The following MARCHF11 variants were observed in gnomAD, a reference collection of about 807,000 sequenced individuals.
MARCHF11 encodes the protein membrane associated ring-CH-type finger 11, also known as E3 ubiquitin-protein ligase MARCHF11.
In MARCHF11, 29 loss-of-function variants were observed where a neutral mutation model predicts 37.3. The ratio of observed to expected loss-of-function variants is 0.78; its 90% CI spans 0.58 to 1.06. The LOEUF (loss-of-function observed/expected upper bound fraction) is 1.06, where lower values mean the gene tolerates loss of function less well. Ranked by LOEUF, MARCHF11 falls within the 50% of genes least tolerant of loss-of-function variation. MARCHF11 has a pLI of 0.00. For synonymous variants in MARCHF11, 233 were observed against 228.0 expected (o/e 1.02, Z -0.20); for missense variants, 482 against 533.4 (o/e 0.90, Z 0.95).
intron 2 of MARCHF11, among the ~76,000 whole-genome samples, chr5:16,111,681 T>C (rs1737139143): frequency 1.3e-5 from 2 of 152,220 alleles, no homozygotes; most frequent in South Asian, 4.1e-4. Flanking sequence ...CTGCAGAAAG[T>C]TGCATAAGTA....
At chr5:16,091,560 GA>G (rs1192115417) in intron 2 of MARCHF11, among the ~76,000 whole-genome samples, 9 of 152,130 alleles carry the variant, frequency 5.9e-5, no homozygotes, top group Non-Finnish European at 1.0e-4. Flanking sequence ...GAACATCACT[GA>G]AAAAGTCATT....
chr5:16,160,093 C>T (rs1738044997), intron 2 of MARCHF11, among the ~76,000 whole-genome samples: 1 of 151,418 alleles, frequency 6.6e-6, no homozygotes, highest in African/African-American at 2.4e-5. Flanking sequence ...CTATAACTGG[C>T]CAGTGGCTGC....
intron 3 of MARCHF11, among the ~76,000 whole-genome samples, chr5:16,077,319 G>A (rs1187062270): frequency 6.6e-6 from 1 of 151,722 alleles, no homozygotes; most frequent in Non-Finnish European, 1.5e-5. Context: ...CTAATTTTCT[G>A]TTTTTCTCCA....
Position 16,067,365 on chromosome 5 carries a change from A to T in MARCHF11, c.*106T>A. ...TGTTCATATAAAAAGCATAAATTTT[A>T]AAAAGTTCATAGATGTGTTTTTAGA... is the stretch of plus-strand genomic sequence containing the variant. On this transcript the variant is annotated 3_prime_UTR_variant, in exon 4 of 4. Transcript: ENST00000332432. The T allele has an allele frequency of 9.6e-7, 1 of 1,040,510 alleles. No individual in the cohort carries two copies. Among genetic ancestry groups the T allele is most frequent in the South Asian group, 1.8e-5 (1 of 56,008 alleles). The allele number at this position is 1,040,510 out of a possible 1,614,324, so 64.5% of individuals were successfully genotyped here. A position where few individuals can be genotyped will look rare whatever the true frequency, so the allele number is the denominator to read the frequency against.
intron 2 of MARCHF11, among the ~76,000 whole-genome samples, chr5:16,168,899 A>T (rs557968560): frequency 9.9e-5 from 15 of 152,238 alleles, no homozygotes; most frequent in African/African-American, 2.6e-4. Flanking sequence ...TATGTTTTTT[A>T]AAAAATCTAC....
intron 2 of MARCHF11, among the ~76,000 whole-genome samples, chr5:16,128,118 G>A (rs1351112970): frequency 1.3e-5 from 2 of 152,114 alleles, no homozygotes; most frequent in East Asian, 3.9e-4. Context: ...AACCTGCTGA[G>A]GGTTCCATCT....
chr5:16,169,327 T>C (rs1453983062), intron 2 of MARCHF11, among the ~76,000 whole-genome samples: 1 of 110,336 alleles, frequency 9.1e-6, no homozygotes, highest in African/African-American at 2.7e-5. Context: ...CAAATCAGTA[T>C]ACCGAAAAGA....
At chr5:16,138,271 C>A (rs758284477) in intron 2 of MARCHF11, among the ~76,000 whole-genome samples, 5 of 152,126 alleles carry the variant, frequency 3.3e-5, no homozygotes, top group Non-Finnish European at 7.4e-5. Flanking sequence ...CGCCCTGCAT[C>A]CCAGCTGTGG....
chr5:16,179,036 T>C lies in MARCHF11; in HGVS notation c.537+3A>G, dbSNP rs1430594814. 4 of 1,473,286 alleles carry C rather than the reference T, an allele frequency of 2.7e-6. No individual in the cohort carries two copies. Among genetic ancestry groups the C allele is most frequent in the Admixed American group, 2.3e-5 (1 of 43,120 alleles). The allele number at this position is 1,473,286 out of a possible 1,614,324, so 91.3% of individuals were successfully genotyped here. A position where few individuals can be genotyped will look rare whatever the true frequency, so the allele number is the denominator to read the frequency against. ...GCTGCCTCGGGGTCTCGCCGGGCCT[T>C]ACCTGCTCCGCGCCCTGGAAGCAGA... On this transcript the variant is annotated splice_donor_region_variant and intron_variant, in intron 1 of 3. Transcript: ENST00000332432.
intron 3 of MARCHF11, among the ~76,000 whole-genome samples, chr5:16,081,715 C>T (rs758603711): frequency 1.3e-5 from 2 of 152,142 alleles, no homozygotes; most frequent in African/African-American, 2.4e-5. Context: ...ATGGAGGAGA[C>T]GAAACTCAAC....
At chr5:16,095,966 T>C (rs962092395) in intron 2 of MARCHF11, among the ~76,000 whole-genome samples, 1 of 152,226 alleles carries the variant, frequency 6.6e-6, no homozygotes, top group Non-Finnish European at 1.5e-5. Flanking sequence ...ATTTGCATTC[T>C]CTGCATCCAT....
intron 2 of MARCHF11, among the ~76,000 whole-genome samples, chr5:16,177,083 T>C (rs967350680): frequency 3.9e-5 from 6 of 152,212 alleles, no homozygotes; most frequent in African/African-American, 1.4e-4. Flanking sequence ...TATGTGATTA[T>C]ACACAAAAAG....
At chr5:16,177,153 C>A (rs1413975655) in intron 2 of MARCHF11, among the ~76,000 whole-genome samples, 1 of 152,184 alleles carries the variant, frequency 6.6e-6, no homozygotes, top group Non-Finnish European at 1.5e-5. Context: ...GTTGGGAATA[C>A]TTCTGCATCC....
At chr5:16,165,822 T>C (rs2591985) in intron 2 of MARCHF11, among the ~76,000 whole-genome samples, 75,247 of 151,842 alleles carry the variant, frequency 0.5, 19,860 homozygotes, top group Middle Eastern at 0.58. Context: ...TATTTCCTCA[T>C]CCTTTCCACT....
At position 16,067,487 on chromosome 5, in the gene MARCHF11, C is replaced by G. The variant is rs533805092; in HGVS notation, c.1193G>C (p.Arg398Thr). The G allele has an allele frequency of 1.2e-6, 2 of 1,613,098 alleles. No individual in the cohort carries two copies. Among genetic ancestry groups the G allele is most frequent in the African/African-American group, 2.7e-5 (2 of 75,022 alleles). Residue 398 changes from arginine (R) to threonine (T), a missense_variant, in exon 4 of 4, where the codon AGA becomes ACA. Transcript: ENST00000332432. ...ATGCTTTTGTCACACTGAAGTCACT[C>G]TCATCACAACCTCCCCCGAGCTGTT... ...EDNSSGEVVM[R>T]VTSV
chr5:16,145,741 G>GA (rs80318508), intron 2 of MARCHF11, among the ~76,000 whole-genome samples: 35,366 of 150,376 alleles, frequency 0.24, 4,278 homozygotes, highest in South Asian at 0.33. Context: ...AAGATTTTAT[G>GA]AAAAAAAAAT....
intron 2 of MARCHF11, among the ~76,000 whole-genome samples, chr5:16,115,863 G>A (rs1445591371): frequency 6.6e-6 from 1 of 152,114 alleles, no homozygotes; most frequent in African/African-American, 2.4e-5. Context: ...CTGACCTCAG[G>A]TGATCCACCT....
At chr5:16,129,145 C>G (rs745810480) in intron 2 of MARCHF11, 2 of 152,162 alleles carry the variant, frequency 1.3e-5, no homozygotes, top group Non-Finnish European at 2.9e-5. Flanking sequence ...AGAACTTACA[C>G]ATCGTTCACT....
chr5:16,119,309 C>A (rs1440709652), intron 2 of MARCHF11, among the ~76,000 whole-genome samples: 1 of 151,718 alleles, frequency 6.6e-6, no homozygotes, highest in East Asian at 1.9e-4. Flanking sequence ...TTACAGTGAG[C>A]CAAGATCGTA....
Sources: allele counts gnomAD v4.1 joint callset (sites outside exome capture counted in the v4.1 genomes callset), GRCh38; gene constraint gnomAD v4.1.1; transcripts MANE v1.5; gene names NCBI Gene and HGNC (gene_info 2026-07-23, HGNC 2026-07-21).